The following HDAC9 variants were observed in gnomAD, a reference collection of about 807,000 sequenced individuals.
The protein encoded by HDAC9 is MEF-2 interacting transcription repressor (MITR) protein.
In HDAC9, 41 loss-of-function variants were observed where a neutral mutation model predicts 139.4. The observed-to-expected ratio is 0.29, with a 90% CI of 0.23 to 0.38. HDAC9 has a LOEUF of 0.38. Ranked by LOEUF, HDAC9 falls within the 10% of genes least tolerant of loss-of-function variation. The pLI, the probability that HDAC9 is intolerant of heterozygous loss-of-function variation, is 1.00. For missense variants in HDAC9, 1,147 were observed against 1,297.0 expected (o/e 0.88, Z 1.78); for synonymous variants, 517 against 476.2 (o/e 1.09, Z -1.12).
chr7:18,555,448 G>A (rs1161402041), intron 2 of HDAC9, among the ~76,000 whole-genome samples: 1 of 152,182 alleles, frequency 6.6e-6, no homozygotes, highest in African/African-American at 2.4e-5. Context: ...GGGGAATTGT[G>A]TGTGAATATG....
intron 17 of HDAC9, among the ~76,000 whole-genome samples, chr7:18,817,187 A>G (rs1017107638): frequency 1.3e-5 from 2 of 152,096 alleles, no homozygotes; most frequent in African/African-American, 4.8e-5. Flanking sequence ...GGCGCCCGCC[A>G]CCACGCCTGC....
At chr7:18,981,874 A>G (rs550823334) in intron 25 of HDAC9, among the ~76,000 whole-genome samples, 10 of 152,314 alleles carry the variant, frequency 6.6e-5, no homozygotes, top group African/African-American at 2.2e-4. Flanking sequence ...TTCCTACCAC[A>G]GAAACAAACA....
intron 22 of HDAC9, among the ~76,000 whole-genome samples, chr7:18,890,675 A>C (rs910330700): frequency 6.6e-6 from 1 of 152,244 alleles, no homozygotes; most frequent in African/African-American, 2.4e-5. Context: ...GATTGGAATT[A>C]TACCACATCC....
intron 1 of HDAC9, among the ~76,000 whole-genome samples, chr7:18,488,131 C>T (rs1278142641): frequency 6.6e-6 from 1 of 151,904 alleles, no homozygotes; most frequent in Non-Finnish European, 1.5e-5. Context: ...TTTTCATAGT[C>T]CTGTAGCTAA....
intron 1 of HDAC9, among the ~76,000 whole-genome samples, chr7:18,123,008 T>C (rs891176366): frequency 3.3e-5 from 5 of 152,216 alleles, no homozygotes; most frequent in Non-Finnish European, 7.3e-5. Flanking sequence ...GCTTTAAATA[T>C]TTCCCAATGG....
chr7:18,180,245 AC>A (rs1789297381), intron 2 of HDAC9, among the ~76,000 whole-genome samples: 1 of 149,738 alleles, frequency 6.7e-6, no homozygotes, highest in Non-Finnish European at 1.5e-5. Context: ...ACACACACAC[AC>A]ACACACACAC....
At chr7:18,278,491 C>T (rs1355047516) in intron 2 of HDAC9, among the ~76,000 whole-genome samples, 1 of 152,056 alleles carries the variant, frequency 6.6e-6, no homozygotes, top group Non-Finnish European at 1.5e-5. Context: ...CACAGCAGCA[C>T]CAATAATTCA....
chr7:18,620,755 C>T (rs1839997059), intron 6 of HDAC9, among the ~76,000 whole-genome samples: 1 of 152,102 alleles, frequency 6.6e-6, no homozygotes, highest in South Asian at 2.1e-4. Context: ...GCTCCTGTTA[C>T]TTACGGCCCC....
chr7:18,124,333 A>C (rs1336860405), intron 1 of HDAC9, among the ~76,000 whole-genome samples: 2 of 152,184 alleles, frequency 1.3e-5, no homozygotes, highest in African/African-American at 2.4e-5. Flanking sequence ...TAGCTTTCCA[A>C]GTGGCTGTGT....
At chr7:18,986,982 T>C (rs1785411812) in intron 25 of HDAC9, among the ~76,000 whole-genome samples, 1 of 152,026 alleles carries the variant, frequency 6.6e-6, no homozygotes, top group African/African-American at 2.4e-5. Flanking sequence ...GAGAATGGGG[T>C]TTTCTAGATA....
At chr7:18,681,684 A>G (rs1488539034) in intron 12 of HDAC9, among the ~76,000 whole-genome samples, 1 of 152,036 alleles carries the variant, frequency 6.6e-6, no homozygotes, top group Non-Finnish European at 1.5e-5. Context: ...TTAACCAATT[A>G]TAGATACATG....
chr7:18,763,220 T>C (rs1446550523), intron 15 of HDAC9, among the ~76,000 whole-genome samples: 1 of 152,306 alleles, frequency 6.6e-6, no homozygotes, highest in Non-Finnish European at 1.5e-5. Context: ...GTAGATAACA[T>C]ACAGTAGGTA....
chr7:18,870,724 A>G (rs1422664069), intron 21 of HDAC9, among the ~76,000 whole-genome samples: 9 of 152,092 alleles, frequency 5.9e-5, no homozygotes, highest in African/African-American at 2.2e-4. Flanking sequence ...CCTAGGCTGG[A>G]GTGCAGTGGC....
chr7:18,132,905 G>T (rs769549056), intron 1 of HDAC9, among the ~76,000 whole-genome samples: 12 of 151,958 alleles, frequency 7.9e-5, no homozygotes, highest in Non-Finnish European at 1.5e-4. Context: ...TTTTTTATTT[G>T]ATTTTACTTT....
Position 18,634,618 on chromosome 7 carries a change from A to AT in HDAC9, c.797-4dup. 2 of 1,537,168 alleles carry AT rather than the reference A, an allele frequency of 1.3e-6. No individual in the cohort carries two copies. The highest frequency in any genetic ancestry group is 1.8e-6 in the Non-Finnish European group (2 of 1,127,626). On this transcript the variant is annotated splice_polypyrimidine_tract_variant and intron_variant, in intron 7 of 25. Transcript: ENST00000686413. The stretch of plus-strand genomic sequence containing the variant: ...CATGAACACATTTGTACTTCACAAT[A>AT]TTTTTCAGAATCCTCAGTCAGTAGC...
chr7:18,450,049 C>T (rs555904022), intron 1 of HDAC9, among the ~76,000 whole-genome samples: 1 of 152,270 alleles, frequency 6.6e-6, no homozygotes, highest in Admixed American at 6.5e-5. Context: ...CATGCTACCT[C>T]TATTAAATAT....
At chr7:18,886,381 T>C (rs1800153924) in intron 22 of HDAC9, among the ~76,000 whole-genome samples, 2 of 152,196 alleles carry the variant, frequency 1.3e-5, no homozygotes, top group African/African-American at 4.8e-5. Context: ...GAAAAGAAAA[T>C]ATGTAAGCAG....
intron 14 of HDAC9, among the ~76,000 whole-genome samples, chr7:18,758,996 CAAAA>C (rs1252231035): frequency 6.6e-6 from 1 of 151,566 alleles, no homozygotes; most frequent in Non-Finnish European, 1.5e-5. Flanking sequence ...TGCTTAGAGT[CAAAA>C]GAAAGAATAA....
intron 25 of HDAC9, among the ~76,000 whole-genome samples, chr7:18,990,817 G>A (rs1488746646): frequency 1.3e-5 from 2 of 152,222 alleles, no homozygotes; most frequent in African/African-American, 4.8e-5. Flanking sequence ...TTTTCCAGGT[G>A]CCGTCTGTCA....
Sources: allele counts gnomAD v4.1 joint callset (sites outside exome capture counted in the v4.1 genomes callset), GRCh38; gene constraint gnomAD v4.1.1; transcripts MANE v1.5; gene names NCBI Gene and HGNC (gene_info 2026-07-23, HGNC 2026-07-21).